Variants in GPHN observed in about 807,000 individuals in gnomAD.
The protein encoded by GPHN is gephyrin.
A neutral mutation model predicts 95.5 loss-of-function variants in GPHN; 17 were observed. That is an observed-to-expected ratio of 0.18 (90% CI 0.12 to 0.27). GPHN has a LOEUF of 0.27. GPHN is among the 10% of genes least tolerant of loss of function. GPHN has a pLI of 1.00. For synonymous variants in GPHN, 320 were observed against 322.5 expected (o/e 0.99, Z 0.08); for missense variants, 660 against 978.1 (o/e 0.67, Z 4.34).
At chr14:66,882,907 G>A (rs1303245159) in intron 5 of GPHN, among the ~76,000 whole-genome samples, 2 of 148,848 alleles carry the variant, frequency 1.3e-5, no homozygotes, top group South Asian at 2.1e-4. Flanking sequence ...TTGCTCCATG[G>A]TTCCTGAAAA....
In GPHN at chr14:66,560,221, G is replaced by A. The variant is rs867411286; in HGVS notation, c.64+51630G>A. On this transcript the variant is annotated intron_variant, in intron 1 of 22. Transcript: ENST00000478722. Reference sequence around the variant, plus strand: ...TGGCTTAGGATTGACTTGGCAATGCGGGCTCTTTTTTGGTTCCATATGAAC... The same window carrying A: ...TGGCTTAGGATTGACTTGGCAATGCAGGCTCTTTTTTGGTTCCATATGAAC... Among the ~76,000 whole-genome samples the A allele has an allele frequency of 1.1e-3, 172 of 152,086 alleles. No homozygotes were observed. In the Middle Eastern group the frequency reaches 0.014, roughly 12 times the overall value.
the GPHN span, among the ~76,000 whole-genome samples, chr14:67,544,063 C>T: frequency 6.6e-6 from 1 of 152,062 alleles, no homozygotes; most frequent in African/African-American, 2.4e-5. Context: ...AAACAGACTT[C>T]TGCATCAAGT....
At chr14:67,646,168 A>C in the GPHN span, among the ~76,000 whole-genome samples, 4 of 152,306 alleles carry the variant, frequency 2.6e-5, no homozygotes, top group South Asian at 2.1e-4. Context: ...ATGGGAGTCC[A>C]TGTTAGGCAC....
chr14:67,592,784 T>C, the GPHN span: 12 of 1,018,660 alleles, frequency 1.2e-5, no homozygotes, highest in East Asian at 2.5e-4. Flanking sequence ...TTTTTCTTTT[T>C]CCTTTATTTA....
intron 1 of GPHN, among the ~76,000 whole-genome samples, chr14:66,655,101 C>A (rs2065237024): frequency 6.6e-6 from 1 of 152,046 alleles, no homozygotes; most frequent in South Asian, 2.1e-4. Flanking sequence ...TATTATAATT[C>A]CTTTGCCTTT....
the GPHN span, among the ~76,000 whole-genome samples, chr14:67,284,152 G>C: frequency 6.6e-6 from 1 of 152,234 alleles, no homozygotes; most frequent in East Asian, 1.9e-4. Flanking sequence ...AGAAGCTACA[G>C]AGAGATCATC....
chr14:67,439,350 A>G, the GPHN span, among the ~76,000 whole-genome samples: 2,186 of 152,286 alleles, frequency 0.014, 60 homozygotes, highest in African/African-American at 0.05. Context: ...TCTAGAAGGA[A>G]GATTTTCTTT....
At chr14:67,331,525 G>A in the GPHN span, among the ~76,000 whole-genome samples, 1 of 152,140 alleles carries the variant, frequency 6.6e-6, no homozygotes, top group Admixed American at 6.5e-5. Flanking sequence ...AGGCTTGAGA[G>A]TGGCTATCTA....
chr14:66,582,587 A>T (rs998551819), intron 1 of GPHN, among the ~76,000 whole-genome samples: 2 of 145,240 alleles, frequency 1.4e-5, no homozygotes, highest in Non-Finnish European at 3.0e-5. Flanking sequence ...TCCTGTGTCT[A>T]TGTGTTCTCA....
the GPHN span, among the ~76,000 whole-genome samples, chr14:67,449,297 G>A: frequency 3.1e-3 from 478 of 152,348 alleles, 1 homozygote; most frequent in African/African-American, 0.011. Context: ...CTGTGAAGGA[G>A]GATAGAGGCT....
the GPHN span, chr14:67,359,589 A>AGG: frequency 6.4e-7 from 1 of 1,560,410 alleles, no homozygotes; most frequent in Non-Finnish European, 8.8e-7. Context: ...ACTGTGGCCC[A>AGG]GGGTCTGAAG....
chr14:67,272,568 T>C, the GPHN span, among the ~76,000 whole-genome samples: 17,559 of 152,200 alleles, frequency 0.12, 1,687 homozygotes, highest in African/African-American at 0.27. Context: ...CTATGACTTC[T>C]TTCTCCTCCT....
the GPHN span, among the ~76,000 whole-genome samples, chr14:67,236,952 A>C: frequency 6.6e-6 from 1 of 151,922 alleles, no homozygotes; most frequent in Non-Finnish European, 1.5e-5. Flanking sequence ...TTAGCCGGGC[A>C]TGGTGGCAGG....
chr14:66,548,366 A>T (rs28558119), intron 1 of GPHN, among the ~76,000 whole-genome samples: 1 of 151,948 alleles, frequency 6.6e-6, no homozygotes, highest in East Asian at 1.9e-4. Context: ...TTTTTAGTAG[A>T]GATGGGGTTT....
At chr14:67,376,507 A>G in the GPHN span, 2 of 1,614,068 alleles carry the variant, frequency 1.2e-6, no homozygotes, top group South Asian at 1.1e-5. Flanking sequence ...TGGAAAGCCT[A>G]TTCCAGAGGA....
the GPHN span, among the ~76,000 whole-genome samples, chr14:67,682,446 G>A: frequency 2.0e-5 from 3 of 152,064 alleles, no homozygotes. Context: ...AATGGGCAAA[G>A]GACTTGATAG....
At chr14:67,697,706 A>G in the GPHN span, among the ~76,000 whole-genome samples, 10 of 114,368 alleles carry the variant, frequency 8.7e-5, no homozygotes, top group African/African-American at 2.5e-4. Context: ...AGGGCCCTAT[A>G]TGCAAAGTGG....
At chr14:67,217,645 A>T in the GPHN span, among the ~76,000 whole-genome samples, 1 of 152,162 alleles carries the variant, frequency 6.6e-6, no homozygotes, top group African/African-American at 2.4e-5. Flanking sequence ...ATTTCTATAT[A>T]TAAGTCCCTT....
chr14:66,520,059 T>C (rs926026095), intron 1 of GPHN, among the ~76,000 whole-genome samples: 1 of 152,170 alleles, frequency 6.6e-6, no homozygotes, highest in Non-Finnish European at 1.5e-5. Flanking sequence ...GATGTTCATA[T>C]ACATATTTCA....
Sources: allele counts gnomAD v4.1 joint callset (sites outside exome capture counted in the v4.1 genomes callset), GRCh38; gene constraint gnomAD v4.1.1; transcripts MANE v1.5; gene names NCBI Gene and HGNC (gene_info 2026-07-23, HGNC 2026-07-21).